SH3KBP1: variants seen among roughly 807,000 people sequenced by gnomAD.
SH3KBP1 encodes SH3 domain-containing kinase-binding protein 1.
Under a neutral mutation model 50.1 loss-of-function variants are expected in SH3KBP1, and 8 were observed. The ratio of observed to expected loss-of-function variants is 0.16; its 90% CI spans 0.09 to 0.29. The LOEUF is 0.29. Among genes scored for constraint, SH3KBP1 ranks in the 10% least tolerant of loss-of-function variants. The probability of loss-of-function intolerance (pLI) is 1.00; values close to 1 mark genes in which losing one functional copy is unlikely to be tolerated. For missense variants in SH3KBP1, 377 were observed against 535.2 expected, an observed-to-expected ratio of 0.70 and a Z score of 2.92; for synonymous variants, 227 against 218.6, an observed-to-expected ratio of 1.04 and a Z score of -0.34.
chrX:19,767,544 A>C (rs771716345), intron 2 of SH3KBP1, among the ~76,000 whole-genome samples: 58 of 111,424 alleles, frequency 5.2e-4, no homozygotes, highest in African/African-American at 1.8e-3. Flanking sequence ...CGTATTTATA[A>C]AATTTGTCCT....
At chrX:19,658,927 G>A (rs1287351089) in intron 6 of SH3KBP1, among the ~76,000 whole-genome samples, 2 of 109,007 alleles carry the variant, frequency 1.8e-5, no homozygotes, top group East Asian at 2.9e-4. Context: ...TTCAAAAAAG[G>A]AGCTTCCTAA....
Position 19,536,427 on chromosome X carries a change from T to C in SH3KBP1, c.1988A>G (p.Gln663Arg). The C allele has an allele frequency of 8.7e-7, 1 of 1,145,264 alleles. No homozygotes were observed. The highest frequency in any genetic ancestry group is 1.2e-6 in the Non-Finnish European group (1 of 844,655). 94.4% of individuals were successfully genotyped at this position (1,145,264 alleles called of 1,213,427 possible). The change falls in exon 18 of 18, where the codon CAA becomes CGA. Residue 663 changes from glutamine to arginine, a missense_variant. Gln to Arg is a conservative substitution (Grantham distance 43). Around this residue, in one of 3 missense-constraint regions of SH3KBP1, gnomAD observed 110 missense variants for 124.1 expected, o/e 0.89. Transcript: ENST00000397821. ...TCATTGATCAAGTATTCATTTTGAT[T>C]GTAGAGCTTTCTTTATGTCGTTCAC... is the stretch of plus-strand genomic sequence containing the variant. ...MEVNDIKKAL[Q>R]SK is the part of the protein sequence containing the mutation.
At chrX:19,651,379 C>T (rs2062122175) in intron 6 of SH3KBP1, among the ~76,000 whole-genome samples, 1 of 111,037 alleles carries the variant, frequency 9.0e-6, no homozygotes, top group African/African-American at 3.3e-5. Context: ...GCGTATGGTC[C>T]GGTAAAAGAA....
intron 2 of SH3KBP1, among the ~76,000 whole-genome samples, chrX:19,785,921 G>A (rs1378148670): frequency 9.0e-6 from 1 of 110,996 alleles, no homozygotes; most frequent in Non-Finnish European, 1.9e-5. Context: ...CCAGGGGCTG[G>A]GGGGAAGGGG....
intron 13 of SH3KBP1, among the ~76,000 whole-genome samples, chrX:19,567,249 T>G (rs187563829): frequency 3.7e-5 from 4 of 108,380 alleles, no homozygotes; most frequent in African/African-American, 1.4e-4. Context: ...CTGGGTGCGG[T>G]AGCTCACAGC....
intron 3 of SH3KBP1, among the ~76,000 whole-genome samples, chrX:19,708,783 A>G (rs2063712529): frequency 8.9e-6 from 1 of 111,857 alleles, no homozygotes; most frequent in Non-Finnish European, 1.9e-5. Flanking sequence ...CATTTGCTGG[A>G]TGTTATGTTA....
chrX:19,613,775 T>C (rs993284707), intron 8 of SH3KBP1, among the ~76,000 whole-genome samples: 1 of 112,228 alleles, frequency 8.9e-6, no homozygotes, highest in Non-Finnish European at 1.9e-5. Context: ...AAGGGAGCCA[T>C]TCCTTATTTT....
At chrX:19,641,183 T>C (rs1041029877) in intron 7 of SH3KBP1, among the ~76,000 whole-genome samples, 1 of 112,123 alleles carries the variant, frequency 8.9e-6, no homozygotes. Context: ...GGGAGAGCAG[T>C]GGCTGGTAAG....
chrX:19,852,934 ATCAACATTACAAC>A lies in SH3KBP1; in HGVS notation c.5-16665_5-16653del, dbSNP rs764612334. On this transcript the variant is annotated intron_variant, in intron 1 of 17. Coordinates refer to ENST00000397821, the MANE Select transcript of SH3KBP1 (RefSeq NM_031892.3). Reference sequence around the variant, plus strand: ...TTTCTCTGGCATTGGATAAAAGTGGATCAACATTACAACAGTGATATAAAGCCATGAAGATGAG... The same window carrying A: ...TTTCTCTGGCATTGGATAAAAGTGGAAGTGATATAAAGCCATGAAGATGAG... 4.9e-3 allele frequency among the ~76,000 whole-genome samples: 527 copies of A among 108,237 alleles called. 3 individuals are homozygous for A. Among genetic ancestry groups the A allele is most frequent in the African/African-American group, 0.018 (501 of 27,100 alleles). The allele number at this position is 108,237 out of a possible 115,157, so 94.0% of individuals were successfully genotyped here.
intron 2 of SH3KBP1, among the ~76,000 whole-genome samples, chrX:19,766,528 A>G (rs1175429536): frequency 2.1e-5 from 1 of 47,350 alleles, no homozygotes; most frequent in African/African-American, 1.1e-4. Flanking sequence ...TTTTTGAGAC[A>G]GAGTCTTGCT....
intron 3 of SH3KBP1, among the ~76,000 whole-genome samples, chrX:19,708,683 C>A (rs189838567): frequency 8.9e-6 from 1 of 112,103 alleles, no homozygotes; most frequent in Non-Finnish European, 1.9e-5. Context: ...ACAAGGCAAT[C>A]TTGGCATCCC....
chrX:19,714,135 A>C (rs1051058732), intron 3 of SH3KBP1, among the ~76,000 whole-genome samples: 4 of 111,880 alleles, frequency 3.6e-5, no homozygotes, highest in Admixed American at 9.5e-5. Flanking sequence ...CTAAAACTCC[A>C]AACAATTGAA....
intron 6 of SH3KBP1, among the ~76,000 whole-genome samples, chrX:19,661,869 G>A (rs1279209692): frequency 9.0e-6 from 1 of 110,801 alleles, no homozygotes; most frequent in Non-Finnish European, 1.9e-5. Flanking sequence ...TCAGGTGATC[G>A]ACCTGCCTTG....
chrX:19,692,034 A>C (rs2063303217), intron 5 of SH3KBP1, among the ~76,000 whole-genome samples: 1 of 111,905 alleles, frequency 8.9e-6, no homozygotes, highest in Non-Finnish European at 1.9e-5. Context: ...AATAATAAAA[A>C]AGTTTATAAG....
At chrX:19,827,642 G>C (rs1821930642) in intron 2 of SH3KBP1, among the ~76,000 whole-genome samples, 1 of 110,952 alleles carries the variant, frequency 9.0e-6, no homozygotes, top group Non-Finnish European at 1.9e-5. Context: ...CTGGATCTGA[G>C]GGTAAGGTTT....
intron 3 of SH3KBP1, among the ~76,000 whole-genome samples, chrX:19,725,103 A>T (rs1472279486): frequency 9.0e-6 from 1 of 110,686 alleles, no homozygotes; most frequent in Non-Finnish European, 1.9e-5. Context: ...GAAGAATTAA[A>T]AATGACCCCA....
chrX:19,662,266 A>G (rs969192283), intron 6 of SH3KBP1, among the ~76,000 whole-genome samples: 1 of 112,075 alleles, frequency 8.9e-6, no homozygotes, highest in Non-Finnish European at 1.9e-5. Context: ...TTTCCAATTC[A>G]TGCTGTTCCA....
intron 2 of SH3KBP1, among the ~76,000 whole-genome samples, chrX:19,815,398 CA>C (rs760693609): frequency 9.9e-5 from 11 of 111,160 alleles, no homozygotes; most frequent in Non-Finnish European, 1.7e-4. Context: ...TAGCTTCCCT[CA>C]GTGATGATAT....
intron 9 of SH3KBP1, among the ~76,000 whole-genome samples, chrX:19,599,685 T>C: frequency 8.9e-6 from 1 of 112,013 alleles, no homozygotes; most frequent in African/African-American, 3.2e-5. Flanking sequence ...TCCATCAAAC[T>C]TAGCCTTCAT....
Sources: allele counts gnomAD v4.1 joint callset (sites outside exome capture counted in the v4.1 genomes callset), GRCh38; gene constraint gnomAD v4.1.1; regional missense constraint gnomAD v4.1.1; transcripts MANE v1.5; gene names NCBI Gene and HGNC (gene_info 2026-07-23, HGNC 2026-07-21).